FAM135B: variants seen among roughly 807,000 people sequenced by gnomAD.
FAM135B encodes the protein family with sequence similarity 135 member B.
In FAM135B, 43 loss-of-function variants were observed where a neutral mutation model predicts 127.7. The observed-to-expected ratio is 0.34, with a 90% CI of 0.26 to 0.43. The LOEUF is 0.43. Ranked by LOEUF, FAM135B falls within the 20% of genes least tolerant of loss-of-function variation. FAM135B has a pLI of 1.00. For synonymous variants in FAM135B, 670 were observed against 665.1 expected, an observed-to-expected ratio of 1.01 and a Z score of -0.11; for missense variants, 1,558 against 1,725.6, an observed-to-expected ratio of 0.90 and a Z score of 1.72.
At chr8:138,492,652 G>A (rs956666988) in intron 1 of FAM135B, among the ~76,000 whole-genome samples, 5 of 152,142 alleles carry the variant, frequency 3.3e-5, no homozygotes, top group Non-Finnish European at 5.9e-5. Context: ...CCAGCCCTGC[G>A]GTTCCTTTCT....
At chr8:138,183,927 T>C (rs1815316251) in intron 9 of FAM135B, among the ~76,000 whole-genome samples, 1 of 152,242 alleles carries the variant, frequency 6.6e-6, no homozygotes, top group South Asian at 2.1e-4. Context: ...CAAATATAAA[T>C]AGAACTCAGT....
chr8:138,318,855 ATT>A (rs1462282009), intron 2 of FAM135B, among the ~76,000 whole-genome samples: 1 of 152,210 alleles, frequency 6.6e-6, no homozygotes, highest in East Asian at 1.9e-4. Flanking sequence ...TTCTGTCCTG[ATT>A]AAACAGAATG....
At chr8:138,464,552 A>G (rs777250601) in intron 1 of FAM135B, among the ~76,000 whole-genome samples, 26 of 152,216 alleles carry the variant, frequency 1.7e-4, no homozygotes, top group Non-Finnish European at 3.4e-4. Flanking sequence ...AACATTAGCC[A>G]TAGAATTCTG....
At chr8:138,438,219 G>A (rs933003394) in intron 1 of FAM135B, 2 of 152,044 alleles carry the variant, frequency 1.3e-5, no homozygotes, top group Admixed American at 6.6e-5. Flanking sequence ...TATTACTCAA[G>A]GGGCTCTCAA....
intron 11 of FAM135B, among the ~76,000 whole-genome samples, chr8:138,172,032 G>A (rs143475825): frequency 1.4e-4 from 21 of 152,320 alleles, no homozygotes; most frequent in Non-Finnish European, 2.1e-4. Flanking sequence ...GCATGTTTAC[G>A]TGTATGTGTT....
At chr8:138,470,736 A>C (rs945602077) in intron 1 of FAM135B, among the ~76,000 whole-genome samples, 1 of 152,342 alleles carries the variant, frequency 6.6e-6, no homozygotes, top group Admixed American at 6.5e-5. Context: ...TGAAAGGACA[A>C]GTGAGGACAT....
chr8:138,244,982 T>C (rs148043632), intron 6 of FAM135B, among the ~76,000 whole-genome samples: 128 of 152,334 alleles, frequency 8.4e-4, no homozygotes, highest in African/African-American at 3.0e-3. Flanking sequence ...CTGGAAAAGC[T>C]AGTGCTTGCC....
intron 4 of FAM135B, 121 bp downstream of exon 4, chr8:138,265,582 A>G (rs371606341): frequency 9.0e-7 from 1 of 1,105,784 alleles, no homozygotes. Context: ...TAAAAGCACT[A>G]ATCTCTGTCA....
intron 3 of FAM135B, among the ~76,000 whole-genome samples, chr8:138,302,668 T>C (rs1825974311): frequency 6.6e-6 from 1 of 152,158 alleles, no homozygotes; most frequent in South Asian, 2.1e-4. Context: ...GAGGGCACCT[T>C]GCCAAGGAGG....
At chr8:138,350,525 C>CACACA (rs1388944166) in intron 2 of FAM135B, among the ~76,000 whole-genome samples, 2 of 151,316 alleles carry the variant, frequency 1.3e-5, no homozygotes, top group African/African-American at 4.9e-5. Flanking sequence ...CACACACACA[C>CACACA]ATCTGTGACA....
chr8:138,218,766 C>CAGAGAG lies in FAM135B; in HGVS notation c.670-21103_670-21098dup, dbSNP rs34578685. Among the ~76,000 whole-genome samples, 353 of 80,474 alleles carry CAGAGAG rather than the reference C, an allele frequency of 4.4e-3. 2 individuals are homozygous for CAGAGAG. Among genetic ancestry groups the CAGAGAG allele is most frequent in the East Asian group, 9.2e-3 (16 of 1,748 alleles). The allele number at this position is 80,474 out of a possible 152,430, so 52.8% of individuals were successfully genotyped here. On this transcript the variant is annotated intron_variant, in intron 7 of 19. Transcript: ENST00000395297. ...CCAAACTTACACGCACACACACACA[C>CAGAGAG]AGAGAGAGAGAGAGAGAGAGAGAGA... is the stretch of plus-strand genomic sequence containing the variant.
chr8:138,377,436 G>A (rs1831550732), intron 1 of FAM135B, among the ~76,000 whole-genome samples: 1 of 152,132 alleles, frequency 6.6e-6, no homozygotes, highest in Non-Finnish European at 1.5e-5. Context: ...TCATGGTTGT[G>A]GAGGCTGGGA....
Position 138,195,516 on chromosome 8 carries a change from A to G in FAM135B, c.824-209T>C, listed in dbSNP as rs541845032. On this transcript the variant is annotated intron_variant, in intron 8 of 19. Coordinates refer to ENST00000395297, the MANE Select transcript of FAM135B (RefSeq NM_015912.4). Reference sequence around the variant, plus strand: ...ATTGGAGCCATGGACTGGACTGAGCACTAGATAAAAGCCAATATCACCTCA... The same window carrying G: ...ATTGGAGCCATGGACTGGACTGAGCGCTAGATAAAAGCCAATATCACCTCA... 2.4e-4 allele frequency among the ~76,000 whole-genome samples: 37 copies of G among 152,252 alleles called. 1 individual carries two copies. The highest frequency in any genetic ancestry group is 1.6e-3 in the Admixed American group (24 of 15,298).
intron 9 of FAM135B, among the ~76,000 whole-genome samples, chr8:138,190,741 G>C (rs764937467): frequency 6.6e-6 from 1 of 152,148 alleles, no homozygotes; most frequent in East Asian, 1.9e-4. Flanking sequence ...CTTCATCTGC[G>C]TAATAAGAAC....
chr8:138,181,754 A>G (rs753784690), intron 9 of FAM135B, among the ~76,000 whole-genome samples: 1 of 152,066 alleles, frequency 6.6e-6, no homozygotes, highest in Non-Finnish European at 1.5e-5. Context: ...GTCCACACAC[A>G]GTCCATATTG....
chr8:138,478,064 A>C (rs1337781232), intron 1 of FAM135B, among the ~76,000 whole-genome samples: 1 of 152,148 alleles, frequency 6.6e-6, no homozygotes, highest in Non-Finnish European at 1.5e-5. Flanking sequence ...CCATGTCGTG[A>C]GGTTTTTGTT....
At chr8:138,197,117 G>GTA (rs147195526) in intron 8 of FAM135B, among the ~76,000 whole-genome samples, 107 of 41,678 alleles carry the variant, frequency 2.6e-3, no homozygotes, top group African/African-American at 5.1e-3. Flanking sequence ...GTGTGTGTGT[G>GTA]TATATATATA....
intron 1 of FAM135B, among the ~76,000 whole-genome samples, chr8:138,393,016 A>G (rs190101730): frequency 2.0e-5 from 3 of 152,320 alleles, no homozygotes; most frequent in African/African-American, 7.2e-5. Context: ...AAGCCTCACA[A>G]TCATGGCGGA....
intron 1 of FAM135B, among the ~76,000 whole-genome samples, chr8:138,413,858 T>C (rs1833997502): frequency 1.3e-5 from 2 of 151,386 alleles, no homozygotes; most frequent in African/African-American, 2.4e-5. Flanking sequence ...TGAGATGACA[T>C]GGTAAAACGT....
Sources: allele counts gnomAD v4.1 joint callset (sites outside exome capture counted in the v4.1 genomes callset), GRCh38; gene constraint gnomAD v4.1.1; transcripts MANE v1.5; gene names NCBI Gene and HGNC (gene_info 2026-07-23, HGNC 2026-07-21).